The following SOX5 variants were observed in gnomAD, a reference collection of about 807,000 sequenced individuals.
SOX5 encodes the protein transcription factor SOX-5.
SOX5 carries 9 observed loss-of-function variants against 92.0 expected under a neutral mutation model. The ratio of observed to expected loss-of-function variants is 0.10; its 90% CI spans 0.06 to 0.17. The LOEUF (loss-of-function observed/expected upper bound fraction) is 0.17. SOX5 is among the 10% of genes least tolerant of loss of function. The pLI is 1.00. For synonymous variants in SOX5, 344 were observed against 336.3 expected (o/e 1.02, Z -0.25); for missense variants, 642 against 944.5 (o/e 0.68, Z 4.20).
intron 4 of SOX5, among the ~76,000 whole-genome samples, chr12:24,125,193 A>C (rs1293475787): frequency 6.6e-6 from 1 of 152,164 alleles, no homozygotes; most frequent in African/African-American, 2.4e-5. Flanking sequence ...TAAAGGAGGA[A>C]TCTCAGAGCA....
At chr12:24,361,287 A>G (rs1265257921) in intron 2 of SOX5, among the ~76,000 whole-genome samples, 1 of 152,156 alleles carries the variant, frequency 6.6e-6, no homozygotes, top group Non-Finnish European at 1.5e-5. Flanking sequence ...GAAACACTGC[A>G]TGTTGCTTAT....
chr12:23,859,324 G>A (rs1393106039), intron 2 of SOX5, among the ~76,000 whole-genome samples: 1 of 152,158 alleles, frequency 6.6e-6, no homozygotes, highest in Non-Finnish European at 1.5e-5. Flanking sequence ...TGCATTTCCA[G>A]GGGTAGGCCT....
intron 7 of SOX5, among the ~76,000 whole-genome samples, chr12:23,654,612 A>T (rs947407460): frequency 1.3e-5 from 2 of 152,102 alleles, no homozygotes; most frequent in Admixed American, 6.6e-5. Flanking sequence ...ATAAGTAGTT[A>T]CATTTATAAC....
intron 4 of SOX5, among the ~76,000 whole-genome samples, chr12:23,989,287 G>A (rs1474015680): frequency 2.0e-5 from 3 of 151,930 alleles, no homozygotes; most frequent in Admixed American, 2.0e-4. Context: ...TGCCACTCGG[G>A]GGGCTGAGGT....
At chr12:24,296,632 G>A (rs1362665282) in intron 2 of SOX5, among the ~76,000 whole-genome samples, 10 of 152,146 alleles carry the variant, frequency 6.6e-5, no homozygotes, top group Middle Eastern at 3.4e-3. Context: ...TGTCTTTCTC[G>A]CTGAGAATTC....
chr12:23,940,508 T>C (rs1277256322), intron 1 of SOX5, among the ~76,000 whole-genome samples: 1 of 151,150 alleles, frequency 6.6e-6, no homozygotes, highest in Non-Finnish European at 1.5e-5. Flanking sequence ...AGTAATGAAA[T>C]TTTAGAGTTA....
intron 1 of SOX5, among the ~76,000 whole-genome samples, chr12:24,480,084 T>G (rs1945821905): frequency 6.6e-6 from 1 of 152,206 alleles, no homozygotes; most frequent in Admixed American, 6.5e-5. Flanking sequence ...TGGAACAGAA[T>G]AGAATACCCA....
At chr12:24,404,080 C>G (rs1962374432) in intron 1 of SOX5, among the ~76,000 whole-genome samples, 1 of 152,058 alleles carries the variant, frequency 6.6e-6, no homozygotes, top group African/African-American at 2.4e-5. Context: ...AAATATAATC[C>G]CCATTGAAGC....
upstream of SOX5, among the ~76,000 whole-genome samples, chr12:23,950,490 C>T (rs1026972018): frequency 6.6e-6 from 1 of 152,148 alleles, no homozygotes. Flanking sequence ...CCATAAAACA[C>T]GATGTGCGAT....
chr12:24,421,942 A>G (rs1377326095), intron 1 of SOX5, among the ~76,000 whole-genome samples: 10 of 152,196 alleles, frequency 6.6e-5, no homozygotes, highest in Admixed American at 6.5e-4. Context: ...ACCTGGACAA[A>G]GGGCATTCTT....
At chr12:24,235,618 G>A (rs1964314865) in intron 3 of SOX5, among the ~76,000 whole-genome samples, 1 of 152,140 alleles carries the variant, frequency 6.6e-6, no homozygotes, top group Non-Finnish European at 1.5e-5. Context: ...CAGAGGAAGG[G>A]CAAAACGTTT....
At chr12:24,239,206 A>T (rs2140041041) in intron 3 of SOX5, among the ~76,000 whole-genome samples, 1 of 152,328 alleles carries the variant, frequency 6.6e-6, no homozygotes, top group Non-Finnish European at 1.5e-5. Context: ...AAGCATTCTT[A>T]CCAAATAATA....
At chr12:24,056,175 T>G (rs938182461) in intron 4 of SOX5, among the ~76,000 whole-genome samples, 10 of 152,196 alleles carry the variant, frequency 6.6e-5, no homozygotes, top group African/African-American at 2.4e-4. Context: ...TGCCTAATTG[T>G]GCATACTGTT....
chr12:24,095,118 C>CAGAGAG (rs1316678789), intron 4 of SOX5, among the ~76,000 whole-genome samples: 70 of 82,726 alleles, frequency 8.5e-4, no homozygotes, highest in Non-Finnish European at 1.5e-3. Flanking sequence ...CACACACACA[C>CAGAGAG]ACACACACAC....
At chr12:24,129,175 C>T (rs1949403770) in intron 4 of SOX5, among the ~76,000 whole-genome samples, 1 of 152,086 alleles carries the variant, frequency 6.6e-6, no homozygotes, top group Admixed American at 6.6e-5. Flanking sequence ...GAAAATACAT[C>T]CATTATGAAG....
At chr12:24,483,110 C>A (rs1353703093) in intron 1 of SOX5, among the ~76,000 whole-genome samples, 1 of 152,154 alleles carries the variant, frequency 6.6e-6, no homozygotes, top group Non-Finnish European at 1.5e-5. Flanking sequence ...TTATTTTCAA[C>A]AAACCACTCA....
At chr12:23,659,009 A>G (rs2082681699) in intron 7 of SOX5, among the ~76,000 whole-genome samples, 1 of 152,144 alleles carries the variant, frequency 6.6e-6, no homozygotes, top group Non-Finnish European at 1.5e-5. Flanking sequence ...CTGACAACAC[A>G]TTTCCTATTT....
intron 2 of SOX5, among the ~76,000 whole-genome samples, chr12:24,342,791 A>G (rs1449009484): frequency 6.6e-6 from 1 of 152,204 alleles, no homozygotes; most frequent in Admixed American, 6.5e-5. Flanking sequence ...TGATTATACC[A>G]TTCATGAAAT....
chr12:24,032,862 C>T (rs1442685305), intron 4 of SOX5, among the ~76,000 whole-genome samples: 2 of 151,896 alleles, frequency 1.3e-5, no homozygotes, highest in Non-Finnish European at 2.9e-5. Flanking sequence ...ACTACACTCT[C>T]TTCTGCTGCT....
Sources: allele counts gnomAD v4.1 joint callset (sites outside exome capture counted in the v4.1 genomes callset), GRCh38; gene constraint gnomAD v4.1.1; transcripts MANE v1.5; gene names NCBI Gene and HGNC (gene_info 2026-07-23, HGNC 2026-07-21).